Variants in CLVS1 observed in about 807,000 individuals in gnomAD.
CLVS1 encodes clavesin-1.
A neutral mutation model predicts 33.1 loss-of-function variants in CLVS1; 10 were observed. The observed-to-expected ratio is 0.30, with a 90% confidence interval of 0.19 to 0.51. The LOEUF is 0.51. CLVS1 is among the 20% of genes least tolerant of loss of function. CLVS1 has a pLI of 0.97. For missense variants in CLVS1, 343 were observed against 433.4 expected (o/e 0.79, Z 1.85); for synonymous variants, 163 against 166.1 (o/e 0.98, Z 0.14).
intron 1 of CLVS1, among the ~76,000 whole-genome samples, chr8:61,125,401 A>G (rs1213502552): frequency 2.6e-5 from 4 of 152,162 alleles, no homozygotes; most frequent in Middle Eastern, 6.3e-3. Flanking sequence ...AGCTTTACCC[A>G]TAAGGGGTTA....
intron 2 of CLVS1, among the ~76,000 whole-genome samples, chr8:61,374,117 A>G (rs1813548238): frequency 6.6e-6 from 1 of 152,214 alleles, no homozygotes; most frequent in Non-Finnish European, 1.5e-5. Flanking sequence ...CACATGAACA[A>G]GGGACAAAAA....
intron 2 of CLVS1, among the ~76,000 whole-genome samples, chr8:61,268,646 G>C (rs1300137432): frequency 7.6e-6 from 1 of 132,040 alleles, no homozygotes; most frequent in Non-Finnish European, 1.6e-5. Context: ...GTGTAAAAGT[G>C]TTCCTATTTC....
intron 2 of CLVS1, among the ~76,000 whole-genome samples, chr8:61,244,494 G>T (rs1332370838): frequency 6.6e-6 from 1 of 152,138 alleles, no homozygotes; most frequent in African/African-American, 2.4e-5. Flanking sequence ...GTTAAGTCAA[G>T]TTTTAATGTT....
the CLVS1 span, among the ~76,000 whole-genome samples, chr8:60,982,095 G>A: frequency 1.3e-5 from 2 of 152,194 alleles, no homozygotes; most frequent in Non-Finnish European, 2.9e-5. Flanking sequence ...AATTCTGTGG[G>A]AACATTCATG....
At chr8:61,233,710 C>G (rs1372641847) in intron 2 of CLVS1, among the ~76,000 whole-genome samples, 4 of 152,210 alleles carry the variant, frequency 2.6e-5, no homozygotes, top group Non-Finnish European at 5.9e-5. Context: ...GCAGCCTGCC[C>G]TCCTGGCTGG....
At chr8:61,027,196 C>G in the CLVS1 span, among the ~76,000 whole-genome samples, 1 of 152,124 alleles carries the variant, frequency 6.6e-6, no homozygotes, top group African/African-American at 2.4e-5. Context: ...TGTCATCCCC[C>G]AAGAGTGAGA....
In CLVS1 at chr8:61,177,369, G is replaced by A. The variant is rs572797581; in HGVS notation, c.-152+45509G>A. ...GCCACTAGCAGGAGGGGTGGCCATAGTCTCCATGGACCAGCATAATTAGTC... is the reference window on the plus strand; with the variant it reads ...GCCACTAGCAGGAGGGGTGGCCATAATCTCCATGGACCAGCATAATTAGTC... On this transcript the variant is annotated intron_variant, in intron 2 of 2. Coordinates refer to the CLVS1 transcript ENST00000522621. Among the ~76,000 whole-genome samples the A allele has an allele frequency of 5.3e-5, 8 of 152,320 alleles. No individual in the cohort carries two copies. In the South Asian group the frequency reaches 1.2e-3, roughly 24 times the overall value.
chr8:61,450,971 G>A (rs188934447), intron 3 of CLVS1, among the ~76,000 whole-genome samples: 4 of 152,254 alleles, frequency 2.6e-5, no homozygotes, highest in Non-Finnish European at 4.4e-5. Flanking sequence ...AAGAGCTTAG[G>A]TATGATTCTT....
At chr8:61,227,577 T>C (rs1192982635) in intron 2 of CLVS1, among the ~76,000 whole-genome samples, 2 of 152,200 alleles carry the variant, frequency 1.3e-5, no homozygotes, top group Non-Finnish European at 2.9e-5. Flanking sequence ...AATCTGCCAA[T>C]AAATTTGTAG....
chr8:61,255,284 C>T (rs983426927), intron 2 of CLVS1, among the ~76,000 whole-genome samples: 3 of 152,158 alleles, frequency 2.0e-5, no homozygotes, highest in Admixed American at 6.6e-5. Flanking sequence ...AACAGTAATG[C>T]TAAAGCAGAC....
At chr8:61,202,349 C>T (rs1409026097) in intron 2 of CLVS1, 56 of 735,896 alleles carry the variant, frequency 7.6e-5, no homozygotes, top group East Asian at 7.5e-5. Context: ...TGCTGCCTCC[C>T]GATGGAAGAT....
At chr8:61,451,846 G>GAA (rs1816974939) in intron 3 of CLVS1, among the ~76,000 whole-genome samples, 2 of 150,466 alleles carry the variant, frequency 1.3e-5, no homozygotes, top group South Asian at 4.2e-4. Context: ...GAGAGAGAGA[G>GAA]AACAGAGAGT....
intron 1 of CLVS1, among the ~76,000 whole-genome samples, chr8:61,086,228 AAAAT>A (rs35848585): frequency 6.6e-6 from 1 of 150,458 alleles, no homozygotes; most frequent in East Asian, 1.9e-4. Flanking sequence ...CTCTGTCTCA[AAAAT>A]AAATAAATAA....
At chr8:60,995,420 A>G in the CLVS1 span, among the ~76,000 whole-genome samples, 34 of 149,936 alleles carry the variant, frequency 2.3e-4, no homozygotes, top group South Asian at 8.4e-4. Context: ...AATGCTCACC[A>G]TCACTGGCCA....
the CLVS1 span, among the ~76,000 whole-genome samples, chr8:61,004,415 G>T: frequency 1.3e-5 from 2 of 152,194 alleles, no homozygotes; most frequent in Non-Finnish European, 2.9e-5. Flanking sequence ...AGAATGCATT[G>T]AGCCAGCTCT....
chr8:61,046,803 T>G, the CLVS1 span, among the ~76,000 whole-genome samples: 2 of 151,686 alleles, frequency 1.3e-5, no homozygotes, highest in South Asian at 4.2e-4. Context: ...CTGTTATTGG[T>G]GTATAAGAAT....
At chr8:61,116,824 T>C (rs1805733585) in intron 1 of CLVS1, among the ~76,000 whole-genome samples, 2 of 139,266 alleles carry the variant, frequency 1.4e-5, no homozygotes. Flanking sequence ...AGCTTTGTTC[T>C]TTTGGCTTAG....
the CLVS1 span, among the ~76,000 whole-genome samples, chr8:60,970,255 C>A: frequency 1.3e-5 from 2 of 152,216 alleles, no homozygotes; most frequent in Non-Finnish European, 2.9e-5. Context: ...ATCCGCCATT[C>A]TGTCTCCTCA....
intron 1 of CLVS1, among the ~76,000 whole-genome samples, chr8:61,104,933 A>G (rs910569662): frequency 2.0e-5 from 3 of 152,046 alleles, no homozygotes; most frequent in Admixed American, 6.5e-5. Flanking sequence ...GGTTCAAGCA[A>G]TTCTCCTGCC....
Sources: allele counts gnomAD v4.1 joint callset (sites outside exome capture counted in the v4.1 genomes callset), GRCh38; gene constraint gnomAD v4.1.1; transcripts MANE v1.5; gene names NCBI Gene and HGNC (gene_info 2026-07-23, HGNC 2026-07-21).